GHR: variants seen among roughly 807,000 people sequenced by gnomAD.
GHR encodes GH receptor.
Under a neutral mutation model 67.1 loss-of-function variants are expected in GHR, and 35 were observed. The ratio of observed to expected loss-of-function variants is 0.52; its 90% CI spans 0.40 to 0.69. The LOEUF (loss-of-function observed/expected upper bound fraction) is 0.69. Ranked by LOEUF, GHR falls within the 30% of genes least tolerant of loss-of-function variation. GHR has a pLI of 0.00. For missense variants in GHR, 792 were observed against 764.6 expected (o/e 1.04, Z -0.42); for synonymous variants, 272 against 269.1 (o/e 1.01, Z -0.10).
At chr5:42,654,430 C>G (rs927672309) in intron 3 of GHR, among the ~76,000 whole-genome samples, 4 of 152,154 alleles carry the variant, frequency 2.6e-5, no homozygotes, top group Admixed American at 1.3e-4. Flanking sequence ...TTTGTAATCT[C>G]TCCTTAAACT....
rs1167899836 is a variant in GHR, at chr5:42,486,585, C to T, written c.-12+62630C>T. On this transcript the variant is annotated intron_variant, in intron 1 of 9. Transcript: ENST00000230882. ...AAGTTTGGCCGGGCACGGTGGCTTA[C>T]GCCTGTAATCCCAGCACTTTGGGAG... Among the ~76,000 whole-genome samples the T allele has an allele frequency of 3.9e-5, 6 of 152,316 alleles. No homozygotes were observed. In the South Asian group the frequency reaches 8.3e-4, roughly 21 times the overall value.
chr5:42,669,954 G>A (rs866649104), intron 3 of GHR, among the ~76,000 whole-genome samples: 1 of 151,986 alleles, frequency 6.6e-6, no homozygotes, highest in Non-Finnish European at 1.5e-5. Context: ...ACTACCCAAA[G>A]CAATCTATAG....
chr5:42,559,555 A>T (rs922211495), intron 1 of GHR, among the ~76,000 whole-genome samples: 2 of 152,224 alleles, frequency 1.3e-5, no homozygotes, highest in African/African-American at 2.4e-5. Flanking sequence ...CTCTTCAAAA[A>T]GTAAAAATAC....
intron 2 of GHR, among the ~76,000 whole-genome samples, chr5:42,604,821 C>T (rs1044560488): frequency 2.0e-5 from 3 of 151,610 alleles, no homozygotes; most frequent in African/African-American, 7.3e-5. Flanking sequence ...TTTGTTCATG[C>T]ATTGCTCACA....
intron 3 of GHR, among the ~76,000 whole-genome samples, chr5:42,664,617 G>A (rs983458796): frequency 3.9e-5 from 6 of 152,144 alleles, no homozygotes; most frequent in African/African-American, 1.4e-4. Context: ...AGACTTAAAT[G>A]TTAGACCTAA....
chr5:42,441,076 A>G (rs1743545277), intron 1 of GHR, among the ~76,000 whole-genome samples: 1 of 152,194 alleles, frequency 6.6e-6, no homozygotes, highest in African/African-American at 2.4e-5. Flanking sequence ...TATACACACT[A>G]TTAAAGCCAC....
chr5:42,466,040 G>C (rs796337747), intron 1 of GHR: 15 of 466,420 alleles, frequency 3.2e-5, no homozygotes, highest in Middle Eastern at 6.3e-4. Flanking sequence ...CTCTAGGCAA[G>C]CTTTATTCTT....
intron 1 of GHR, among the ~76,000 whole-genome samples, chr5:42,434,883 G>C (rs868238458): frequency 4.6e-5 from 7 of 152,184 alleles, no homozygotes; most frequent in Admixed American, 1.3e-4. Flanking sequence ...AGGGCATGGA[G>C]TAGGCTTTGG....
chr5:42,706,849 G>C (rs569125296), intron 6 of GHR, among the ~76,000 whole-genome samples: 1 of 151,968 alleles, frequency 6.6e-6, no homozygotes, highest in South Asian at 2.1e-4. Flanking sequence ...TTTTTAGTTA[G>C]GATTGCTTTG....
chr5:42,433,605 G>A (rs1743190647), intron 1 of GHR, among the ~76,000 whole-genome samples: 1 of 152,036 alleles, frequency 6.6e-6, no homozygotes, highest in Admixed American at 6.6e-5. Context: ...ACAACTTAAT[G>A]AAAAGTTCAT....
chr5:42,718,834 A>G lies in GHR; in HGVS notation c.1327A>G (p.Thr443Ala). The G allele has an allele frequency of 6.2e-7, 1 of 1,614,090 alleles. No individual in the cohort carries two copies. The highest frequency in any genetic ancestry group is 8.5e-7 in the Non-Finnish European group (1 of 1,180,012). The change falls in exon 10 of 10, where the codon ACT (threonine) becomes GCT (alanine). Residue 443 changes from threonine (T) to alanine (A), a missense_variant. Thr to Ala is a moderately conservative substitution (Grantham distance 58). Coordinates refer to ENST00000230882, the MANE Select transcript of GHR (RefSeq NM_000163.5). ...ACCTTATCATGATGCTTGCCCTGCT[A>G]CTCAGCAGCCCAGTGTTATCCAAGC... ...NSPYHDACPA[T>A]QQPSVIQAEK...
At chr5:42,640,433 G>A (rs1029804509) in intron 3 of GHR, among the ~76,000 whole-genome samples, 1 of 152,026 alleles carries the variant, frequency 6.6e-6, no homozygotes, top group Non-Finnish European at 1.5e-5. Flanking sequence ...TAAGGTGTTA[G>A]GTATTTTATT....
intron 1 of GHR, among the ~76,000 whole-genome samples, chr5:42,479,473 C>A (rs1356548361): frequency 6.6e-6 from 1 of 152,088 alleles, no homozygotes; most frequent in Non-Finnish European, 1.5e-5. Context: ...CCAGCTTCTC[C>A]TTGTACCTCT....
chr5:42,639,233 T>G (rs1024601899), intron 3 of GHR, among the ~76,000 whole-genome samples: 2 of 152,184 alleles, frequency 1.3e-5, no homozygotes, highest in African/African-American at 4.8e-5. Flanking sequence ...CACTTGACAT[T>G]GTAGTTTGTA....
At chr5:42,648,297 T>A (rs570226447) in intron 3 of GHR, among the ~76,000 whole-genome samples, 1 of 152,162 alleles carries the variant, frequency 6.6e-6, no homozygotes, top group Non-Finnish European at 1.5e-5. Context: ...GACAGGAAAT[T>A]GTGGGTTACA....
In GHR at chr5:42,719,163, T is replaced by G; in HGVS notation, c.1656T>G (p.Val552=). The part of the protein sequence containing the change: ...KCIPVAPHIK[V]ESHIQPSLNQ... ...TCCCTGTGGCTCCTCACATCAAGGTTGAATCACACATACAGCCAAGCTTAA... is the reference window on the plus strand; with the variant it reads ...TCCCTGTGGCTCCTCACATCAAGGTGGAATCACACATACAGCCAAGCTTAA... The change falls in exon 10 of 10, where the codon GTT becomes GTG. Residue 552 remains valine (V), a synonymous_variant. Transcript: ENST00000230882. 6.2e-7 allele frequency: 1 copy of G among 1,614,132 alleles called. No individual in the cohort carries two copies.
chr5:42,681,271 A>AT (rs1756853378), intron 3 of GHR, among the ~76,000 whole-genome samples: 1 of 151,738 alleles, frequency 6.6e-6, no homozygotes, highest in African/African-American at 2.4e-5. Flanking sequence ...ACAAGAAAAA[A>AT]AAAAAACCAT....
At chr5:42,564,370 A>G (rs1008953508) in intron 1 of GHR, among the ~76,000 whole-genome samples, 16 of 150,730 alleles carry the variant, frequency 1.1e-4, no homozygotes, top group African/African-American at 3.9e-4. Context: ...GATTTATTTG[A>G]AATCTCACAA....
intron 3 of GHR, among the ~76,000 whole-genome samples, chr5:42,676,374 T>C (rs1756574513): frequency 6.6e-6 from 1 of 152,186 alleles, no homozygotes; most frequent in Admixed American, 6.5e-5. Context: ...TAGAAGACTT[T>C]ACAACGAGCT....
Sources: allele counts gnomAD v4.1 joint callset (sites outside exome capture counted in the v4.1 genomes callset), GRCh38; gene constraint gnomAD v4.1.1; transcripts MANE v1.5; gene names NCBI Gene and HGNC (gene_info 2026-07-23, HGNC 2026-07-21).